LINGO2: variants seen among roughly 807,000 people sequenced by gnomAD.
LINGO2 encodes leucine-rich repeat and immunoglobulin-like domain-containing nogo receptor-interacting protein 2.
In LINGO2, 14 loss-of-function variants were observed where a neutral mutation model predicts 30.6. That is an observed-to-expected ratio of 0.46 (90% CI 0.30 to 0.72). LINGO2 has a LOEUF of 0.72. LINGO2 is among the 30% of genes least tolerant of loss of function. The probability of loss-of-function intolerance (pLI) is 0.07; values close to 1 mark genes in which losing one functional copy is unlikely to be tolerated. For missense variants in LINGO2, 729 were observed against 751.7 expected (o/e 0.97, Z 0.35); for synonymous variants, 317 against 288.5 (o/e 1.10, Z -1.00).
At chr9:29,161,736 A>G in the LINGO2 span, among the ~76,000 whole-genome samples, 3 of 152,196 alleles carry the variant, frequency 2.0e-5, no homozygotes. Context: ...GATACTAATC[A>G]TAGAAAACTA....
Position 28,042,711 on chromosome 9 carries a change from T to C in LINGO2, c.-86-30306A>G, listed in dbSNP as rs138823787. 1.2e-3 allele frequency among the ~76,000 whole-genome samples: 184 copies of C among 152,344 alleles called. 1 individual carries two copies. The highest frequency in any genetic ancestry group is 4.4e-3 in the African/African-American group (181 of 41,590). Reference sequence around the variant, plus strand: ...GACTCCCACTATAATCAAGATAATGTACTTGCTTCATTCATGTTCTGCAAT... The same window carrying C: ...GACTCCCACTATAATCAAGATAATGCACTTGCTTCATTCATGTTCTGCAAT... On this transcript the variant is annotated intron_variant, in intron 4 of 5. Coordinates refer to ENST00000379992, the Ensembl canonical transcript of LINGO2.
intron 3 of LINGO2, among the ~76,000 whole-genome samples, chr9:28,361,754 C>T (rs960786446): frequency 6.6e-5 from 10 of 152,090 alleles, no homozygotes; most frequent in Admixed American, 1.3e-4. Context: ...ATCCTTGTGA[C>T]ATATAATATT....
At chr9:28,073,784 T>C (rs1825548288) in intron 4 of LINGO2, among the ~76,000 whole-genome samples, 1 of 152,118 alleles carries the variant, frequency 6.6e-6, no homozygotes, top group African/African-American at 2.4e-5. Flanking sequence ...TCCCAGCCCT[T>C]TGGGGAGCTG....
At chr9:28,613,484 AACAC>A (rs76554951) in intron 1 of LINGO2, among the ~76,000 whole-genome samples, 1 of 150,816 alleles carries the variant, frequency 6.6e-6, no homozygotes, top group Admixed American at 6.6e-5. Context: ...CTACTATGAA[AACAC>A]ACACACACAC....
chr9:27,996,506 T>C (rs1414125453), intron 5 of LINGO2, among the ~76,000 whole-genome samples: 1 of 152,156 alleles, frequency 6.6e-6, no homozygotes, highest in Admixed American at 6.6e-5. Context: ...GAGGATATCA[T>C]ATGAAGTGAA....
chr9:28,756,706 G>A, the LINGO2 span, among the ~76,000 whole-genome samples: 1 of 151,852 alleles, frequency 6.6e-6, no homozygotes, highest in Non-Finnish European at 1.5e-5. Flanking sequence ...AGTTCTCATG[G>A]TTCTGATGGT....
At chr9:27,990,820 AAAG>A (rs1364889400) in intron 5 of LINGO2, among the ~76,000 whole-genome samples, 1 of 152,010 alleles carries the variant, frequency 6.6e-6, no homozygotes, top group East Asian at 1.9e-4. Context: ...CTCCCTGTAA[AAAG>A]AAGTCATTAA....
chr9:28,981,098 C>A, the LINGO2 span, among the ~76,000 whole-genome samples: 1 of 152,092 alleles, frequency 6.6e-6, no homozygotes, highest in African/African-American at 2.4e-5. Flanking sequence ...AATGACCGAA[C>A]TAAAGGAGAT....
the LINGO2 span, among the ~76,000 whole-genome samples, chr9:29,185,096 C>A: frequency 1.3e-5 from 2 of 152,226 alleles, no homozygotes; most frequent in East Asian, 1.9e-4. Context: ...TTCACTCATA[C>A]AACCATTACA....
the LINGO2 span, among the ~76,000 whole-genome samples, chr9:28,813,743 T>C: frequency 6.6e-6 from 1 of 152,152 alleles, no homozygotes; most frequent in Non-Finnish European, 1.5e-5. Context: ...GGTACAAGTA[T>C]AATAATTGAA....
chr9:28,240,955 T>A (rs1821761501), intron 4 of LINGO2, among the ~76,000 whole-genome samples: 1 of 151,990 alleles, frequency 6.6e-6, no homozygotes, highest in Non-Finnish European at 1.5e-5. Context: ...CCAGAATATA[T>A]AAGGAGCTCA....
At chr9:28,585,825 G>A (rs887993620) in intron 1 of LINGO2, among the ~76,000 whole-genome samples, 1 of 152,022 alleles carries the variant, frequency 6.6e-6, no homozygotes, top group South Asian at 2.1e-4. Context: ...CACTTGGTAA[G>A]AATTTCCCCT....
chr9:28,935,844 A>C, the LINGO2 span, among the ~76,000 whole-genome samples: 847 of 152,202 alleles, frequency 5.6e-3, 11 homozygotes, highest in African/African-American at 0.019. Context: ...AATAGGGCTC[A>C]ATCTGAAATA....
the LINGO2 span, among the ~76,000 whole-genome samples, chr9:28,775,768 T>C: frequency 2.2e-4 from 34 of 152,326 alleles, no homozygotes; most frequent in African/African-American, 7.5e-4. Context: ...TGCAAAACTA[T>C]TGGCCATTCT....
At chr9:29,001,469 A>C in the LINGO2 span, among the ~76,000 whole-genome samples, 1 of 152,024 alleles carries the variant, frequency 6.6e-6, no homozygotes, top group African/African-American at 2.4e-5. Context: ...ATCATAAAAT[A>C]AGAATCTTTT....
At chr9:28,372,773 A>G (rs931036515) in intron 3 of LINGO2, 63 bp downstream of exon 5, 6 of 152,558 alleles carry the variant, frequency 3.9e-5, no homozygotes, top group African/African-American at 1.4e-4. Flanking sequence ...ATTAGTTTTT[A>G]CCCCATAGAT....
chr9:28,994,937 A>T, the LINGO2 span, among the ~76,000 whole-genome samples: 1 of 152,208 alleles, frequency 6.6e-6, no homozygotes, highest in Non-Finnish European at 1.5e-5. Context: ...CCTAGACAGT[A>T]CCATTCAGGA....
At chr9:29,175,522 ATTTTT>A in the LINGO2 span, among the ~76,000 whole-genome samples, 2 of 110,376 alleles carry the variant, frequency 1.8e-5, no homozygotes, top group Non-Finnish European at 1.8e-5. Flanking sequence ...TATCTCCGAG[ATTTTT>A]TTTTTTTTTT....
At chr9:28,564,237 T>C (rs1352153217) in intron 1 of LINGO2, among the ~76,000 whole-genome samples, 2 of 152,112 alleles carry the variant, frequency 1.3e-5, no homozygotes, top group Non-Finnish European at 2.9e-5. Flanking sequence ...GATTATATTA[T>C]TGAAGCATCC....
Sources: allele counts gnomAD v4.1 joint callset (sites outside exome capture counted in the v4.1 genomes callset), GRCh38; gene constraint gnomAD v4.1.1; transcripts MANE v1.5; gene names NCBI Gene and HGNC (gene_info 2026-07-23, HGNC 2026-07-21).